Variants in SYNJ1 observed in about 807,000 individuals in gnomAD.
SYNJ1 encodes polyphosphatidylinositol phosphatase SYNJ1.
In SYNJ1, 78 loss-of-function variants were observed where a neutral mutation model predicts 168.2. The observed-to-expected ratio is 0.46, with a 90% CI of 0.39 to 0.56. The LOEUF is 0.56. SYNJ1 is among the 20% of genes least tolerant of loss of function. The pLI is 0.00. For missense variants in SYNJ1, 1,303 were observed against 1,597.6 expected, an observed-to-expected ratio of 0.82 and a Z score of 3.14; for synonymous variants, 539 against 548.6, an observed-to-expected ratio of 0.98 and a Z score of 0.24.
chr21:32,713,740 G>A (rs2042923126), intron 2 of SYNJ1, among the ~76,000 whole-genome samples: 1 of 147,918 alleles, frequency 6.8e-6, no homozygotes. Context: ...ATATCAACAT[G>A]GATGATTTCC....
chr21:32,640,420 C>T (rs921360749), intron 29 of SYNJ1, among the ~76,000 whole-genome samples: 2 of 152,042 alleles, frequency 1.3e-5, no homozygotes, highest in Non-Finnish European at 2.9e-5. Flanking sequence ...CTCAGCCTTC[C>T]GAGTAGCTGG....
At chr21:32,719,437 G>GAA (rs2043137918) in intron 2 of SYNJ1, among the ~76,000 whole-genome samples, 1 of 152,238 alleles carries the variant, frequency 6.6e-6, no homozygotes, top group Non-Finnish European at 1.5e-5. Context: ...ATGCAGGCTG[G>GAA]GAGCAGTGGC....
At chr21:32,693,176 C>T (rs2042086347) in intron 6 of SYNJ1, among the ~76,000 whole-genome samples, 1 of 152,206 alleles carries the variant, frequency 6.6e-6, no homozygotes. Context: ...ATTCACCTCG[C>T]ATCACATCAG....
intron 19 of SYNJ1, among the ~76,000 whole-genome samples, chr21:32,657,407 G>A (rs1482643144): frequency 6.6e-6 from 1 of 152,096 alleles, no homozygotes; most frequent in Non-Finnish European, 1.5e-5. Context: ...AGAGACAAGT[G>A]GCAGTTCAAA....
intron 27 of SYNJ1, 78 bp downstream of exon 27, chr21:32,643,332 T>C (rs1277002534): frequency 6.9e-7 from 1 of 1,455,636 alleles, no homozygotes; most frequent in African/African-American, 1.4e-5. Context: ...CTGCAAACAC[T>C]GCGGGGTGGG....
chr21:32,710,488 A>C (rs905281835), intron 2 of SYNJ1, among the ~76,000 whole-genome samples: 1 of 152,118 alleles, frequency 6.6e-6, no homozygotes, highest in Non-Finnish European at 1.5e-5. Flanking sequence ...ATTACCCTAG[A>C]CCAGGAGTGC....
chr21:32,690,902 A>C (rs2042000158), intron 6 of SYNJ1, among the ~76,000 whole-genome samples: 1 of 152,364 alleles, frequency 6.6e-6, no homozygotes, highest in East Asian at 1.9e-4. Context: ...AATGGGCAAC[A>C]AGAGCTAAAT....
In SYNJ1 at chr21:32,644,994, G is replaced by A; in HGVS notation, c.3404C>T (p.Pro1135Leu). Residue 1135 changes from proline to leucine, a missense_variant, in exon 26 of 33, where the codon CCT becomes CTT. Physicochemically the swap from Pro to Leu is moderately conservative, Grantham distance 98. This residue lies in a region of SYNJ1 where 383 missense variants were observed against 388.8 expected (regional missense o/e 0.99). Transcript: ENST00000674351. ...TCCAAATTCCTTTCTAGTGGGTGCA[G>A]GACTCCTAGCCCCTTATAGTTCATA... ...RPPPPSGARS[P>L]APTRKEFGGI... 1 of 1,607,448 alleles carries A rather than the reference G, an allele frequency of 6.2e-7. No homozygotes were observed. The highest frequency in any genetic ancestry group is 8.5e-7 in the Non-Finnish European group (1 of 1,177,770).
In SYNJ1 at chr21:32,631,145, T is replaced by G. The variant is rs1601194488; in HGVS notation, c.*660A>C. ...ACACACAGAAGGAGACATTTGTACC[T>G]TTATTCCAGTCATCATTCAATGTCA... is the stretch of plus-strand genomic sequence containing the variant. On this transcript the variant is annotated 3_prime_UTR_variant, in exon 33 of 33. Coordinates refer to ENST00000674351, the MANE Select transcript of SYNJ1 (RefSeq NM_203446.3). 6.2e-7 allele frequency: 1 copy of G among 1,614,232 alleles called. No homozygotes were observed. Among genetic ancestry groups the G allele is most frequent in the Non-Finnish European group, 8.5e-7 (1 of 1,180,054 alleles).
intron 6 of SYNJ1, among the ~76,000 whole-genome samples, chr21:32,689,246 T>G (rs919364562): frequency 3.3e-5 from 5 of 152,168 alleles, no homozygotes; most frequent in African/African-American, 1.2e-4. Flanking sequence ...CAAGGATCAC[T>G]GAGGGGGGGC....
At chr21:32,685,231 C>T (rs1016218379) in intron 9 of SYNJ1, among the ~76,000 whole-genome samples, 11 of 150,508 alleles carry the variant, frequency 7.3e-5, no homozygotes, top group African/African-American at 1.2e-4. Context: ...CCATAAAATG[C>T]GCTCACTAAT....
intron 17 of SYNJ1, among the ~76,000 whole-genome samples, chr21:32,665,382 T>C (rs2040885497): frequency 6.6e-6 from 1 of 152,218 alleles, no homozygotes; most frequent in African/African-American, 2.4e-5. Flanking sequence ...GGACAAAGTA[T>C]AGACTGAACT....
intron 19 of SYNJ1, 57 bp downstream of exon 19, chr21:32,657,659 C>T: frequency 6.8e-7 from 1 of 1,467,034 alleles, no homozygotes; most frequent in Non-Finnish European, 9.1e-7. Flanking sequence ...TATGTCATTC[C>T]CTGCTTCCTC....
chr21:32,648,063 G>A (rs2145793653), intron 23 of SYNJ1, among the ~76,000 whole-genome samples: 1 of 152,232 alleles, frequency 6.6e-6, no homozygotes, highest in South Asian at 2.1e-4. Context: ...CTCATTACAT[G>A]GTTGTCACTT....
chr21:32,719,709 A>AT (rs952356921), intron 2 of SYNJ1, among the ~76,000 whole-genome samples: 1 of 150,706 alleles, frequency 6.6e-6, no homozygotes, highest in Non-Finnish European at 1.5e-5. Flanking sequence ...GTAAAACTCC[A>AT]TCTTAAAAAA....
rs2146165562 is a variant in SYNJ1 at position 32,694,224 on chromosome 21, A to T, written c.789+4T>A. 1 of 1,530,582 alleles carries T rather than the reference A, an allele frequency of 6.5e-7. No homozygotes were observed. The highest frequency in any genetic ancestry group is 1.7e-4 in the Middle Eastern group (1 of 5,720). The allele number at this position is 1,530,582 out of a possible 1,614,324, so 94.8% of individuals were successfully genotyped here. A position where few individuals can be genotyped will look rare whatever the true frequency, so the allele number is the denominator to read the frequency against. On this transcript the variant is annotated splice_donor_region_variant and intron_variant, in intron 6 of 32. Transcript: ENST00000674351. ...ACAAAAATAACTGAATGTCAAACAC[A>T]TACTTGCAACCCTGGTTGCTCCCAG...
Position 32,699,976 on chromosome 21 carries a change from T to C in SYNJ1, c.341A>G (p.Asp114Gly). ...ISLRIDSSDE[D>G]RISEVRKVLN... is the part of the protein sequence containing the mutation. ...AACTTTCCGCACTTCTGAAATGCGA[T>C]CCTCATCTGAAGAATCGATTCGCAG... Residue 114 changes from aspartate (D) to glycine (G), a missense_variant, in exon 4 of 33, where the codon GAT (aspartate) becomes GGT (glycine). This residue lies in a region of SYNJ1 where 920 missense variants were observed against 1,208.8 expected (regional missense o/e 0.76). Transcript: ENST00000674351. The C allele has an allele frequency of 6.2e-7, 1 of 1,614,218 alleles. No homozygotes were observed. The highest frequency in any genetic ancestry group is 8.5e-7 in the Non-Finnish European group (1 of 1,180,032).
chr21:32,644,907 T>C (rs946476009), intron 26 of SYNJ1, 61 bp downstream of exon 26: 4 of 1,539,558 alleles, frequency 2.6e-6, no homozygotes, highest in Non-Finnish European at 3.5e-6. Flanking sequence ...CTAAAATGTC[T>C]TTCAGGTGTA....
rs370170912 is a variant in SYNJ1 at position 32,665,101 on chromosome 21, C to A, written c.2146-30G>T. On this transcript the variant is annotated intron_variant, in intron 17 of 32. Transcript: ENST00000674351. ...AAGCAATGAGATAGAATTTTAAATTCAAAACAATCAATGTTCAAAAATGTT... is the reference window on the plus strand; with the variant it reads ...AAGCAATGAGATAGAATTTTAAATTAAAAACAATCAATGTTCAAAAATGTT... 4 of 1,561,908 alleles carry A rather than the reference C, an allele frequency of 2.6e-6. No homozygotes were observed. In the African/African-American group the frequency reaches 5.5e-5, roughly 21 times the overall value.
Sources: allele counts gnomAD v4.1 joint callset (sites outside exome capture counted in the v4.1 genomes callset), GRCh38; gene constraint gnomAD v4.1.1; regional missense constraint gnomAD v4.1.1; transcripts MANE v1.5; gene names NCBI Gene and HGNC (gene_info 2026-07-23, HGNC 2026-07-21).